Variants in NPAS2 observed in about 807,000 individuals in gnomAD.
The protein encoded by NPAS2 is neuronal PAS domain-containing protein 2.
NPAS2 carries 23 observed loss-of-function variants against 107.5 expected under a neutral mutation model. The observed-to-expected ratio is 0.21, with a 90% CI of 0.15 to 0.30. The LOEUF (loss-of-function observed/expected upper bound fraction) is 0.30, where lower values mean the gene tolerates loss of function less well. NPAS2 is among the 10% of genes least tolerant of loss of function. The probability of loss-of-function intolerance (pLI) is 1.00; values close to 1 mark genes in which losing one functional copy is unlikely to be tolerated. For synonymous variants in NPAS2, 403 were observed against 417.5 expected (o/e 0.97, Z 0.42); for missense variants, 756 against 1,043.3 (o/e 0.72, Z 3.79).
chr2:100,889,486 C>G (rs1335681131), intron 1 of NPAS2, among the ~76,000 whole-genome samples: 6 of 152,310 alleles, frequency 3.9e-5, no homozygotes, highest in Middle Eastern at 3.4e-3. Flanking sequence ...CCTATGATCC[C>G]CACATCCCAG....
intron 1 of NPAS2, among the ~76,000 whole-genome samples, chr2:100,828,576 G>A (rs1676529825): frequency 6.6e-6 from 1 of 152,124 alleles, no homozygotes; most frequent in African/African-American, 2.4e-5. Context: ...TTTTGTATAT[G>A]GTGAAAGGTA....
At chr2:100,913,244 A>G (rs1422004394) in intron 2 of NPAS2, among the ~76,000 whole-genome samples, 2 of 152,208 alleles carry the variant, frequency 1.3e-5, no homozygotes, top group African/African-American at 4.8e-5. Flanking sequence ...TTGTTCAAAT[A>G]CCAGCTCTTC....
chr2:100,927,807 G>T (rs1364033123), intron 3 of NPAS2, among the ~76,000 whole-genome samples: 2 of 152,070 alleles, frequency 1.3e-5, no homozygotes, highest in African/African-American at 4.8e-5. Flanking sequence ...TTAGTGTGTG[G>T]TCACACCTAC....
At chr2:100,825,527 A>G (rs1676319525) in intron 1 of NPAS2, among the ~76,000 whole-genome samples, 1 of 152,206 alleles carries the variant, frequency 6.6e-6, no homozygotes, top group African/African-American at 2.4e-5. Context: ...GCCTACCCAT[A>G]ATCATCGCCC....
intron 17 of NPAS2, chr2:100,989,755 G>A (rs967136505): frequency 1.3e-5 from 2 of 153,464 alleles, no homozygotes; most frequent in Non-Finnish European, 2.9e-5. Context: ...ATTATAGTAT[G>A]TGCAATGGTA....
At chr2:100,876,925 C>T (rs1424177526) in intron 1 of NPAS2, among the ~76,000 whole-genome samples, 1 of 152,148 alleles carries the variant, frequency 6.6e-6, no homozygotes, top group Non-Finnish European at 1.5e-5. Flanking sequence ...CAGGTGACTC[C>T]CATGGACCAG....
intron 1 of NPAS2, among the ~76,000 whole-genome samples, chr2:100,895,826 G>T (rs1681380742): frequency 6.6e-6 from 1 of 152,270 alleles, no homozygotes; most frequent in East Asian, 1.9e-4. Context: ...TGGCTGTAAG[G>T]CACTCTTCCT....
chr2:100,901,497 G>C lies in NPAS2; in HGVS notation c.-22-3236G>C. The C allele has an allele frequency of 3.0e-6, 3 of 985,166 alleles. No individual in the cohort carries two copies. The South Asian group carries it at 1.4e-4, about 46-fold the overall frequency. The allele number at this position is 985,166 out of a possible 1,614,324, so 61.0% of individuals were successfully genotyped here. On this transcript the variant is annotated intron_variant, in intron 1 of 20. Coordinates refer to ENST00000335681, the MANE Select transcript of NPAS2 (RefSeq NM_002518.4). ...GAAACCCAGAACTGGAAGAGCCCCAGAGAGATGAATGTTACCGGGCGTGTT... is the reference window on the plus strand; with the variant it reads ...GAAACCCAGAACTGGAAGAGCCCCACAGAGATGAATGTTACCGGGCGTGTT...
chr2:100,886,350 C>T (rs1680699287), intron 1 of NPAS2, among the ~76,000 whole-genome samples: 1 of 152,208 alleles, frequency 6.6e-6, no homozygotes, highest in Admixed American at 6.5e-5. Flanking sequence ...GAGGTCTGCA[C>T]ATAAAAGGAC....
intron 4 of NPAS2, among the ~76,000 whole-genome samples, chr2:100,933,472 C>A (rs1026023014): frequency 6.6e-6 from 1 of 152,174 alleles, no homozygotes; most frequent in African/African-American, 2.4e-5. Context: ...CATGTTACAT[C>A]CACATGGCAT....
chr2:100,882,280 C>T (rs930534515), intron 1 of NPAS2, among the ~76,000 whole-genome samples: 34 of 152,184 alleles, frequency 2.2e-4, no homozygotes, highest in African/African-American at 6.5e-4. Context: ...TGTGGATTTG[C>T]GTAACCACCA....
intron 1 of NPAS2, among the ~76,000 whole-genome samples, chr2:100,839,219 C>T (rs1260157778): frequency 6.6e-6 from 1 of 152,142 alleles, no homozygotes; most frequent in Non-Finnish European, 1.5e-5. Context: ...ACCTCCACCT[C>T]CTGGGTTCAA....
In NPAS2 at chr2:100,863,664, C is replaced by T. The variant is rs895286193; in HGVS notation, c.-22-41069C>T. ...CACAGGAATGAGAAATAAATGCTAA[C>T]GAGTTGCATCCTTAAATACAGTTGG... On this transcript the variant is annotated intron_variant, in intron 1 of 20. Coordinates refer to ENST00000335681, the MANE Select transcript of NPAS2 (RefSeq NM_002518.4). Among the ~76,000 whole-genome samples, 8 of 152,162 alleles carry T rather than the reference C, an allele frequency of 5.3e-5. No individual in the cohort carries two copies. The South Asian group carries it at 6.2e-4, about 12-fold the overall frequency.
rs796389295 is a variant in NPAS2, at chr2:100,884,350, TA to T, written c.-22-20374del. Among the ~76,000 whole-genome samples, 694 of 151,740 alleles carry T rather than the reference TA, an allele frequency of 4.6e-3. 5 individuals are homozygous for T. The highest frequency in any genetic ancestry group is 0.016 in the African/African-American group (670 of 41,394). ...AAAGCAAACAGTACCTTCAGAAGATTAAAAAAAAATTATTGCATTTGTTTTT... is the reference window on the plus strand; with the variant it reads ...AAAGCAAACAGTACCTTCAGAAGATTAAAAAAAATTATTGCATTTGTTTTT... On this transcript the variant is annotated intron_variant, in intron 1 of 20. Transcript: ENST00000335681.
rs1336712486 is a variant in NPAS2, at chr2:100,950,425, TCTG to T, written c.598+950_598+952del. ...AGAGCAGATGATGACAGCATTAACT[TCTG>T]CTGCGTTCTTGACCACTGTTTCACT... is the stretch of plus-strand genomic sequence containing the variant. On this transcript the variant is annotated intron_variant, in intron 7 of 20. Coordinates refer to ENST00000335681, the MANE Select transcript of NPAS2 (RefSeq NM_002518.4). 1.2e-4 allele frequency among the ~76,000 whole-genome samples: 18 copies of T among 152,326 alleles called. 1 individual carries two copies. Among genetic ancestry groups the T allele is most frequent in the Admixed American group, 9.8e-4 (15 of 15,308 alleles).
chr2:100,974,653 T>C, intron 12 of NPAS2, 150 bp from the exon 13 acceptor site: 1 of 816,858 alleles, frequency 1.2e-6, no homozygotes, highest in Non-Finnish European at 1.9e-6. Flanking sequence ...GTATATACTC[T>C]ACCCAAGCAT....
At chr2:100,921,503 A>AC (rs1459453259) in intron 2 of NPAS2, among the ~76,000 whole-genome samples, 1 of 152,098 alleles carries the variant, frequency 6.6e-6, no homozygotes, top group Non-Finnish European at 1.5e-5. Context: ...GTATATTTAA[A>AC]ACACACACAT....
chr2:100,912,050 G>A (rs987153971), intron 2 of NPAS2, among the ~76,000 whole-genome samples: 2 of 152,052 alleles, frequency 1.3e-5, no homozygotes, highest in African/African-American at 2.4e-5. Context: ...ACTGAGCATC[G>A]TGTGCTGCAG....
intron 1 of NPAS2, among the ~76,000 whole-genome samples, chr2:100,836,137 T>G (rs142813941): frequency 6.6e-5 from 10 of 152,280 alleles, no homozygotes; most frequent in Middle Eastern, 3.4e-3. Flanking sequence ...TTAGGTTACT[T>G]CCACTTTGTC....
Sources: gnomAD v4.1 joint callset for allele counts (sites outside exome capture counted in the v4.1 genomes callset) on GRCh38, gnomAD v4.1.1 for gene constraint, MANE v1.5 for transcripts, NCBI Gene and HGNC (gene_info 2026-07-23, HGNC 2026-07-21) for gene names.